The following MEIG1 variants were observed in gnomAD, a reference collection of about 807,000 sequenced individuals.
The protein encoded by MEIG1 is meiosis/spermiogenesis associated 1.
MEIG1 carries 12 observed loss-of-function variants against 11.3 expected under a neutral mutation model. That is an observed-to-expected ratio of 1.07 (90% CI 0.68 to 1.73). MEIG1 has a LOEUF of 1.73. Ranked by LOEUF, MEIG1 falls within the 40% of genes most tolerant of loss-of-function variation. The pLI is 0.00. For synonymous variants in MEIG1, 41 were observed against 33.2 expected, an observed-to-expected ratio of 1.24 and a Z score of -0.81; for missense variants, 119 against 104.9, an observed-to-expected ratio of 1.13 and a Z score of -0.59.
intron 1 of MEIG1, among the ~76,000 whole-genome samples, chr10:14,986,313 G>T (rs372388734): frequency 6.6e-6 from 1 of 152,100 alleles, no homozygotes; most frequent in African/African-American, 2.4e-5. Flanking sequence ...CAACAAGAGC[G>T]AAACTCCATC....
upstream of MEIG1, chr10:14,954,440 C>T (rs1842880752): frequency 3.3e-6 from 1 of 304,416 alleles, no homozygotes; most frequent in Non-Finnish European, 6.5e-6. Flanking sequence ...CCGCTTCCTG[C>T]TTGTCTGCTG....
At chr10:14,968,115 G>T (rs181908281) in intron 2 of MEIG1, among the ~76,000 whole-genome samples, 1 of 152,248 alleles carries the variant, frequency 6.6e-6, no homozygotes, top group East Asian at 1.9e-4. Flanking sequence ...AGATTCTAAT[G>T]TGTAGATTTT....
At chr10:14,984,119 T>C (rs748917812) in intron 1 of MEIG1, among the ~76,000 whole-genome samples, 3 of 152,052 alleles carry the variant, frequency 2.0e-5, no homozygotes, top group South Asian at 2.1e-4. Flanking sequence ...AAAGATATTA[T>C]TGACAATACC....
At chr10:14,987,729 T>G in intron 2 of MEIG1, 1 of 237,046 alleles carries the variant, frequency 4.2e-6, no homozygotes. Flanking sequence ...CTCCGTAAAA[T>G]ACGGCCTACT....
rs1353979430 is a variant in MEIG1 at position 14,971,221 on chromosome 10, T to C, written c.139-1292T>C. Among the ~76,000 whole-genome samples the C allele has an allele frequency of 2.7e-5, 4 of 148,510 alleles. No homozygotes were observed. The East Asian group carries it at 7.8e-4, about 29-fold the overall frequency. On this transcript the variant is annotated intron_variant, in intron 2 of 2. Transcript: ENST00000407572. ...CGGCAACATATAATAATAATGATAA[T>C]AATAATAATAATAATAACAACAATA...
chr10:14,985,802 T>TAA (rs1198617464), intron 1 of MEIG1, among the ~76,000 whole-genome samples: 1 of 152,038 alleles, frequency 6.6e-6, no homozygotes, highest in East Asian at 1.9e-4. Flanking sequence ...AGAGAGATAT[T>TAA]AATTCAAATA....
intron 1 of MEIG1, among the ~76,000 whole-genome samples, chr10:14,964,585 G>GTGTGTGTGTGTATA (rs1378376059): frequency 1.1e-5 from 1 of 93,042 alleles, no homozygotes; most frequent in African/African-American, 3.9e-5. Flanking sequence ...GTGTGTGTGT[G>GTGTGTGTGTGTATA]TATATATATA....
chr10:14,985,623 T>G (rs953612312), intron 1 of MEIG1, among the ~76,000 whole-genome samples: 1 of 152,010 alleles, frequency 6.6e-6, no homozygotes, highest in African/African-American at 2.4e-5. Flanking sequence ...ACACCACCTG[T>G]GATATTATTC....
downstream of MEIG1, among the ~76,000 whole-genome samples, chr10:14,973,323 G>T (rs1564507140): frequency 6.6e-6 from 1 of 152,176 alleles, no homozygotes; most frequent in East Asian, 1.9e-4. Flanking sequence ...CTAGAACATT[G>T]CTTTGAGATG....
At chr10:14,978,960 C>T (rs1411440446) in intron 1 of MEIG1, among the ~76,000 whole-genome samples, 1 of 151,922 alleles carries the variant, frequency 6.6e-6, no homozygotes, top group Non-Finnish European at 1.5e-5. Flanking sequence ...TGTTATGGGT[C>T]GTATTCTAGG....
chr10:14,967,998 A>G (rs1033143824), intron 2 of MEIG1, among the ~76,000 whole-genome samples: 20 of 152,232 alleles, frequency 1.3e-4, no homozygotes, highest in Admixed American at 2.6e-4. Context: ...GTATTGTAAA[A>G]TATGACATAG....
chr10:14,987,316 A>G, intron 2 of MEIG1: 1 of 805,134 alleles, frequency 1.2e-6, no homozygotes, highest in Non-Finnish European at 2.2e-6. Context: ...GGTTCCTCAG[A>G]ACCATGACCA....
chr10:14,979,150 G>A (rs1323419840), intron 1 of MEIG1, among the ~76,000 whole-genome samples: 2 of 151,302 alleles, frequency 1.3e-5, no homozygotes, highest in African/African-American at 2.4e-5. Context: ...ATATTATTCG[G>A]AATATCTCAG....
intron 1 of MEIG1, among the ~76,000 whole-genome samples, chr10:14,985,973 G>C (rs1299081001): frequency 6.6e-6 from 1 of 151,928 alleles, no homozygotes; most frequent in Admixed American, 6.6e-5. Context: ...ATCACACAGT[G>C]TGCACACCCT....
At chr10:14,984,793 G>A (rs1482095253) in intron 1 of MEIG1, among the ~76,000 whole-genome samples, 1 of 152,098 alleles carries the variant, frequency 6.6e-6, no homozygotes, top group Non-Finnish European at 1.5e-5. Context: ...TTTGTGGGAT[G>A]TTACCCCTGA....
chr10:14,987,159 T>A (rs756521197), intron 2 of MEIG1: 315 of 908,146 alleles, frequency 3.5e-4, no homozygotes, highest in Admixed American at 2.3e-4. Flanking sequence ...GCATGAGAGA[T>A]GACTCTGCTA....
upstream of MEIG1, among the ~76,000 whole-genome samples, chr10:14,954,642 A>T (rs892151017): frequency 1.5e-4 from 23 of 152,142 alleles, no homozygotes; most frequent in African/African-American, 5.6e-4. Context: ...TCTTGGGGCA[A>T]ATAAGATCCC....
At chr10:14,955,175 G>A (rs531822873), upstream of MEIG1, among the ~76,000 whole-genome samples, 19 of 152,224 alleles carry the variant, frequency 1.2e-4, no homozygotes, top group African/African-American at 4.1e-4. Context: ...CATGCGATCC[G>A]CTCGCCTCGG....
At chr10:14,962,528 G>A (rs1041820301) in intron 1 of MEIG1, among the ~76,000 whole-genome samples, 3 of 152,176 alleles carry the variant, frequency 2.0e-5, no homozygotes, top group Non-Finnish European at 2.9e-5. Context: ...TCTATTAAAT[G>A]TAGCATTTTT....
Sources: allele counts gnomAD v4.1 joint callset (sites outside exome capture counted in the v4.1 genomes callset), GRCh38; gene constraint gnomAD v4.1.1; transcripts MANE v1.5; gene names NCBI Gene and HGNC (gene_info 2026-07-23, HGNC 2026-07-21).